The following TMEM132B variants were observed in gnomAD, a reference collection of about 807,000 sequenced individuals.
TMEM132B encodes transmembrane protein 132B.
TMEM132B carries 18 observed loss-of-function variants against 90.8 expected under a neutral mutation model. The ratio of observed to expected loss-of-function variants is 0.20; its 90% CI spans 0.14 to 0.29. TMEM132B has a LOEUF of 0.29. Ranked by LOEUF, TMEM132B falls within the 10% of genes least tolerant of loss-of-function variation. The pLI is 1.00. For missense variants in TMEM132B, 1,096 were observed against 1,326.8 expected, an observed-to-expected ratio of 0.83 and a Z score of 2.70; for synonymous variants, 504 against 523.3, an observed-to-expected ratio of 0.96 and a Z score of 0.50.
intron 1 of TMEM132B, among the ~76,000 whole-genome samples, chr12:125,304,141 G>T (rs1875898651): frequency 6.6e-6 from 1 of 152,230 alleles, no homozygotes; most frequent in African/African-American, 2.4e-5. Flanking sequence ...TCACAATAGG[G>T]TTTGTGCTCC....
At chr12:125,331,109 G>T (rs993829336) in intron 1 of TMEM132B, among the ~76,000 whole-genome samples, 2 of 152,196 alleles carry the variant, frequency 1.3e-5, no homozygotes, top group African/African-American at 4.8e-5. Flanking sequence ...GGTGTTGCCC[G>T]CGAGGCCCGG....
intron 5 of TMEM132B, among the ~76,000 whole-genome samples, chr12:125,634,743 G>T (rs984005104): frequency 6.6e-6 from 1 of 152,184 alleles, no homozygotes; most frequent in African/African-American, 2.4e-5. Context: ...TGGAAAGGAG[G>T]CCTCAGGACT....
At position 125,381,879 on chromosome 12, in the gene TMEM132B, A is replaced by G. The variant is rs141348375; in HGVS notation, c.959+31536A>G. ...GGATGCCAATGGGAAATGCAATTCT[A>G]TGGGTGCCAGGTATACATGCTGTTT... On this transcript the variant is annotated intron_variant, in intron 2 of 8. Coordinates refer to ENST00000682704, the MANE Select transcript of TMEM132B (RefSeq NM_001366854.1). Among the ~76,000 whole-genome samples, 494 of 152,228 alleles carry G rather than the reference A, an allele frequency of 3.2e-3. 4 individuals are homozygous for G. Among genetic ancestry groups the G allele is most frequent in the Admixed American group, 7.6e-3 (116 of 15,288 alleles).
In TMEM132B at chr12:125,251,278, T is replaced by C. The variant is rs903065521; in HGVS notation, c.67+64412T>C. 6.6e-6 allele frequency among the ~76,000 whole-genome samples: 1 copy of C among 152,236 alleles called. No individual in the cohort carries two copies. Among genetic ancestry groups the C allele is most frequent in the African/African-American group, 2.4e-5 (1 of 41,474 alleles). ...ATCAAAAACTATCATTAATTTGGGC[T>C]GAACCAGCCAGTTTTAAACATTCAA... On this transcript the variant is annotated intron_variant, in intron 1 of 8. Transcript: ENST00000682704. The surrounding 1 kb of genome is among the most constrained non-coding windows in gnomAD (Gnocchi z 4.4).
At chr12:125,228,899 T>G (rs186757831) in intron 1 of TMEM132B, among the ~76,000 whole-genome samples, 27 of 152,294 alleles carry the variant, frequency 1.8e-4, no homozygotes, top group Admixed American at 1.4e-3. Flanking sequence ...TACTGGGGCT[T>G]CTTTGACTAA....
At chr12:125,374,135 G>A (rs1279411140) in intron 2 of TMEM132B, among the ~76,000 whole-genome samples, 2 of 152,194 alleles carry the variant, frequency 1.3e-5, no homozygotes, top group African/African-American at 4.8e-5. Flanking sequence ...TGTGTTTGTC[G>A]GTGCCACTCC....
chr12:125,262,614 A>G (rs994974137), intron 1 of TMEM132B, among the ~76,000 whole-genome samples: 4 of 152,148 alleles, frequency 2.6e-5, no homozygotes, highest in African/African-American at 9.7e-5. Context: ...GTCAGTTACC[A>G]TTTATAATCA....
At chr12:125,524,569 T>C (rs1055578785) in intron 4 of TMEM132B, among the ~76,000 whole-genome samples, 1 of 152,230 alleles carries the variant, frequency 6.6e-6, no homozygotes, top group Non-Finnish European at 1.5e-5. Flanking sequence ...CCCTGCCTGA[T>C]AGTTTTGTGA....
chr12:125,254,549 C>G (rs1874389537), intron 1 of TMEM132B, among the ~76,000 whole-genome samples: 1 of 152,160 alleles, frequency 6.6e-6, no homozygotes, highest in Non-Finnish European at 1.5e-5. Flanking sequence ...TTACCCATCA[C>G]CTACACAAAG....
intron 5 of TMEM132B, among the ~76,000 whole-genome samples, chr12:125,608,070 T>C (rs1190855522): frequency 6.6e-6 from 1 of 152,222 alleles, no homozygotes; most frequent in East Asian, 1.9e-4. Context: ...TGTTTTTGTG[T>C]GGGCATATGC....
At chr12:125,461,274 C>T (rs1881429270) in intron 3 of TMEM132B, among the ~76,000 whole-genome samples, 1 of 152,222 alleles carries the variant, frequency 6.6e-6, no homozygotes, top group African/African-American at 2.4e-5. Context: ...TTCTCAGAGT[C>T]AGGGTCAGAC....
intron 1 of TMEM132B, among the ~76,000 whole-genome samples, chr12:125,284,458 G>T (rs961112675): frequency 1.3e-5 from 2 of 152,188 alleles, no homozygotes; most frequent in Non-Finnish European, 2.9e-5. Flanking sequence ...GTGGAGCAGG[G>T]GTTAGACCGC....
chr12:125,387,483 C>T (rs187507644), intron 2 of TMEM132B, among the ~76,000 whole-genome samples: 13 of 152,348 alleles, frequency 8.5e-5, no homozygotes, highest in Admixed American at 8.5e-4. Flanking sequence ...TGTGTCCCTA[C>T]ATAGACCAGA....
chr12:125,536,892 C>T (rs1236495154), intron 4 of TMEM132B, among the ~76,000 whole-genome samples: 1 of 151,920 alleles, frequency 6.6e-6, no homozygotes, highest in African/African-American at 2.4e-5. Context: ...AATAAATATG[C>T]ATGCCATACC....
chr12:125,479,018 A>T (rs188625173), intron 3 of TMEM132B, among the ~76,000 whole-genome samples: 30 of 152,350 alleles, frequency 2.0e-4, no homozygotes, highest in African/African-American at 7.0e-4. Flanking sequence ...ACTAAGCTTC[A>T]TAAGCGAAGG....
chr12:125,632,043 G>T (rs935653516), intron 5 of TMEM132B, among the ~76,000 whole-genome samples: 1 of 151,734 alleles, frequency 6.6e-6, no homozygotes, highest in East Asian at 1.9e-4. Context: ...TGGTTGTTTT[G>T]TACTCTTCTC....
chr12:125,609,816 CAAAAAAAA>C (rs763840695), intron 5 of TMEM132B, among the ~76,000 whole-genome samples: 8 of 39,432 alleles, frequency 2.0e-4, no homozygotes, highest in Admixed American at 4.4e-4. Context: ...GACTCTGTCT[CAAAAAAAA>C]AAAAAAAAAA....
At chr12:125,288,019 T>C (rs552386434) in intron 1 of TMEM132B, among the ~76,000 whole-genome samples, 2 of 152,094 alleles carry the variant, frequency 1.3e-5, no homozygotes, top group Admixed American at 6.5e-5. Flanking sequence ...AGGTGCCTGG[T>C]ACCACCATGT....
At chr12:125,226,059 AAAG>A (rs1355719091) in intron 1 of TMEM132B, among the ~76,000 whole-genome samples, 1 of 152,240 alleles carries the variant, frequency 6.6e-6, no homozygotes, top group Non-Finnish European at 1.5e-5. Flanking sequence ...CTTATGCAAA[AAAG>A]AATACCGATA....
Sources: allele counts gnomAD v4.1 joint callset (sites outside exome capture counted in the v4.1 genomes callset), GRCh38; gene constraint gnomAD v4.1.1; non-coding constraint Gnocchi (gnomAD v3.1); transcripts MANE v1.5; gene names NCBI Gene and HGNC (gene_info 2026-07-23, HGNC 2026-07-21).